Variants in TANC1 observed in about 807,000 individuals in gnomAD.
TANC1 encodes tetratricopeptide repeat, ankyrin repeat and coiled-coil containing 1.
A neutral mutation model predicts 149.7 loss-of-function variants in TANC1; 77 were observed. The ratio of observed to expected loss-of-function variants is 0.51; its 90% CI spans 0.43 to 0.62. The LOEUF (loss-of-function observed/expected upper bound fraction) is 0.62. Among genes scored for constraint, TANC1 ranks in the 20% least tolerant of loss-of-function variants. The pLI is 0.00. For missense variants in TANC1, 1,985 were observed against 2,321.8 expected (o/e 0.85, Z 2.98); for synonymous variants, 854 against 925.0 (o/e 0.92, Z 1.39).
chr2:159,177,430 A>G (rs1252984469), intron 13 of TANC1, among the ~76,000 whole-genome samples: 3 of 152,046 alleles, frequency 2.0e-5, no homozygotes, highest in Non-Finnish European at 4.4e-5. Flanking sequence ...TTGCCCTTTT[A>G]TGATATTTAT....
intron 2 of TANC1, among the ~76,000 whole-genome samples, chr2:159,057,641 T>C (rs535216025): frequency 6.6e-6 from 1 of 152,276 alleles, no homozygotes; most frequent in South Asian, 2.1e-4. Flanking sequence ...CCTTTGAAAA[T>C]TATAGATTAA....
chr2:159,153,082 G>A (rs1470848135), intron 7 of TANC1, among the ~76,000 whole-genome samples: 2 of 152,140 alleles, frequency 1.3e-5, no homozygotes, highest in Non-Finnish European at 2.9e-5. Flanking sequence ...ATGTAAACAG[G>A]GGTCTCATTA....
intron 19 of TANC1, among the ~76,000 whole-genome samples, chr2:159,206,394 T>G (rs2058607923): frequency 6.6e-6 from 1 of 152,160 alleles, no homozygotes; most frequent in Non-Finnish European, 1.5e-5. Flanking sequence ...GTGGGTGGGT[T>G]CCGGAGACCA....
At chr2:159,137,962 G>A (rs1234582901) in intron 5 of TANC1, among the ~76,000 whole-genome samples, 1 of 152,190 alleles carries the variant, frequency 6.6e-6, no homozygotes, top group African/African-American at 2.4e-5. Context: ...GCAATAAAAG[G>A]TTATAAATAG....
intron 8 of TANC1, among the ~76,000 whole-genome samples, chr2:159,165,304 A>G (rs565088180): frequency 6.6e-6 from 1 of 152,292 alleles, no homozygotes; most frequent in East Asian, 1.9e-4. Flanking sequence ...GTGCGCATTC[A>G]TTAGCTTCTG....
intron 19 of TANC1, among the ~76,000 whole-genome samples, chr2:159,203,157 T>G (rs894368435): frequency 2.0e-5 from 3 of 151,936 alleles, no homozygotes. Flanking sequence ...ACTCTCCAGT[T>G]CCCTTCGTAG....
intron 17 of TANC1, among the ~76,000 whole-genome samples, chr2:159,196,281 G>T (rs2150715967): frequency 1.3e-5 from 2 of 152,338 alleles, no homozygotes; most frequent in Middle Eastern, 6.8e-3. Context: ...GAAATACAGG[G>T]ATTTGTCCGA....
intron 2 of TANC1, among the ~76,000 whole-genome samples, chr2:159,014,426 T>A (rs933965309): frequency 2.6e-5 from 4 of 152,128 alleles, no homozygotes; most frequent in Non-Finnish European, 5.9e-5. Context: ...TCCCACAACA[T>A]GTGGGAATTA....
At position 159,230,987 on chromosome 2, in the gene TANC1, G is replaced by A. The variant is rs182648493; in HGVS notation, c.5561G>A (p.Arg1854Gln). 2.1e-5 allele frequency: 34 copies of A among 1,612,826 alleles called. 1 individual carries two copies. Among genetic ancestry groups the A allele is most frequent in the Admixed American group, 1.5e-4 (9 of 59,830 alleles). ...RSHLTAAKPK[R>Q]SFIESNV ...CACCTCACTGCAGCCAAACCAAAGCGATCATTTATAGAGTCAAATGTGTGA... is the reference window on the plus strand; with the variant it reads ...CACCTCACTGCAGCCAAACCAAAGCAATCATTTATAGAGTCAAATGTGTGA... The change falls in exon 27 of 27, where the codon CGA becomes CAA. Residue 1854 changes from arginine (R) to glutamine (Q), a missense_variant. By Grantham distance (43) the Arg-to-Gln change is conservative. Around this residue, in one of 3 missense-constraint regions of TANC1, gnomAD observed 920 missense variants for 994.7 expected, o/e 0.92. Transcript: ENST00000263635. The surrounding 1 kb of genome is among the most constrained non-coding windows in gnomAD (Gnocchi z 4.4).
At position 159,053,847 on chromosome 2, in the gene TANC1, G is replaced by T. The variant is rs549689145; in HGVS notation, c.-15-12049G>T. 3.3e-5 allele frequency among the ~76,000 whole-genome samples: 5 copies of T among 152,306 alleles called. No homozygotes were observed. The East Asian group carries it at 9.6e-4, about 29-fold the overall frequency. ...CAGGGTTCTCCCCCTGTGGGCTAATGAACTCAAGAGCTTGCTCATTTTGGC... is the reference window on the plus strand; with the variant it reads ...CAGGGTTCTCCCCCTGTGGGCTAATTAACTCAAGAGCTTGCTCATTTTGGC... On this transcript the variant is annotated intron_variant, in intron 2 of 26. Transcript: ENST00000263635.
At chr2:159,109,839 A>C (rs954709029) in intron 4 of TANC1, among the ~76,000 whole-genome samples, 2 of 152,166 alleles carry the variant, frequency 1.3e-5, no homozygotes, top group African/African-American at 4.8e-5. Flanking sequence ...TGTGGCCCCA[A>C]AGCACAAGAG....
In TANC1 at chr2:159,224,381, TCC is replaced by T; in HGVS notation, c.3811+18_3811+19del. On this transcript the variant is annotated intron_variant, in intron 23 of 26. Transcript: ENST00000263635. ...CCAAGTTAGGTCAGTGAGCACTGCC[TCC>T]ATTGAGCAGGAGGAGCGGTGAGCTC... The T allele has an allele frequency of 6.2e-7, 1 of 1,613,956 alleles. No homozygotes were observed. Among genetic ancestry groups the T allele is most frequent in the Non-Finnish European group, 8.5e-7 (1 of 1,180,004 alleles).
At chr2:159,226,397 C>T (rs936737123) in intron 24 of TANC1, 10 of 152,840 alleles carry the variant, frequency 6.5e-5, no homozygotes, top group Admixed American at 6.5e-4. Context: ...GAAGGTTCCT[C>T]AGCCCTTCAC....
chr2:159,194,369 C>G lies in TANC1; in HGVS notation c.2855C>G (p.Thr952Ser), dbSNP rs768415905. 1.7e-4 allele frequency: 275 copies of G among 1,614,162 alleles called. No individual in the cohort carries two copies. Among genetic ancestry groups the G allele is most frequent in the Non-Finnish European group, 1.9e-4 (227 of 1,180,054 alleles). ...QSHLGHEEVVTLLLEFGACLD... is the reference protein window; with the variant it reads ...QSHLGHEEVVSLLLEFGACLD... The stretch of plus-strand genomic sequence containing the variant: ...CACCTTGGCCACGAGGAAGTTGTCA[C>G]TCTGCTCCTGGAATTTGGTGCCTGC... The change falls in exon 17 of 27, where the codon ACT becomes AGT. Residue 952 changes from threonine (T) to serine (S), a missense_variant. Coordinates refer to ENST00000263635, the MANE Select transcript of TANC1 (RefSeq NM_033394.3).
chr2:159,191,685 T>C (rs2057454301), intron 16 of TANC1, among the ~76,000 whole-genome samples: 1 of 152,188 alleles, frequency 6.6e-6, no homozygotes, highest in South Asian at 2.1e-4. Context: ...TTGTGAGTTA[T>C]GGTTTCACTA....
rs55746240 is a variant in TANC1, at chr2:159,019,653, G to GTTTTTTTTTTTTTTTTTTTTTT, written c.-16+18476_-16+18497dup. ...CCTAACTGCAGCTTGCTTTCTTTCT[G>GTTTTTTTTTTTTTTTTTTTTTT]TTTTTTTTTTTTTTTTTTTTTTTTT... On this transcript the variant is annotated intron_variant, in intron 2 of 26. Coordinates refer to ENST00000263635, the MANE Select transcript of TANC1 (RefSeq NM_033394.3). 5.5e-5 allele frequency among the ~76,000 whole-genome samples: 4 copies of GTTTTTTTTTTTTTTTTTTTTTT among 73,304 alleles called. 1 individual carries two copies. The highest frequency in any genetic ancestry group is 1.0e-4 in the Non-Finnish European group (4 of 39,230). The allele number at this position is 73,304 out of a possible 152,430, so 48.1% of individuals were successfully genotyped here.
At chr2:159,191,966 T>G (rs1359855942) in intron 16 of TANC1, among the ~76,000 whole-genome samples, 2 of 152,104 alleles carry the variant, frequency 1.3e-5, no homozygotes, top group African/African-American at 4.8e-5. Context: ...AGAAACACAC[T>G]GGGCATCTTA....
intron 7 of TANC1, among the ~76,000 whole-genome samples, chr2:159,159,258 C>A (rs185009638): frequency 3.9e-5 from 6 of 152,012 alleles, no homozygotes; most frequent in African/African-American, 1.4e-4. Context: ...CCAGTGTGGG[C>A]AACATGGCGG....
intron 1 of TANC1, among the ~76,000 whole-genome samples, chr2:158,992,820 T>C (rs191639252): frequency 6.5e-4 from 99 of 152,202 alleles, no homozygotes; most frequent in Non-Finnish European, 1.3e-3. Flanking sequence ...GCTCCCGGAC[T>C]GTGTAATATA....
Sources: allele counts gnomAD v4.1 joint callset (sites outside exome capture counted in the v4.1 genomes callset), GRCh38; gene constraint gnomAD v4.1.1; regional missense constraint gnomAD v4.1.1; non-coding constraint Gnocchi (gnomAD v3.1); transcripts MANE v1.5; gene names NCBI Gene and HGNC (gene_info 2026-07-23, HGNC 2026-07-21).